Variants in CEP112 observed in about 807,000 individuals in gnomAD.
CEP112 encodes the protein centrosomal protein 112.
In CEP112, 127 loss-of-function variants were observed where a neutral mutation model predicts 153.0. The observed-to-expected ratio is 0.83, with a 90% CI of 0.72 to 0.96. CEP112 has a LOEUF of 0.96. Ranked by LOEUF, CEP112 falls within the 40% of genes least tolerant of loss-of-function variation. The probability of loss-of-function intolerance (pLI) is 0.00; values close to 1 mark genes in which losing one functional copy is unlikely to be tolerated. For synonymous variants in CEP112, 358 were observed against 374.4 expected (o/e 0.96, Z 0.51); for missense variants, 1,089 against 1,101.2 (o/e 0.99, Z 0.16).
intron 16 of CEP112, among the ~76,000 whole-genome samples, chr17:66,020,587 T>C (rs778734856): frequency 1.3e-5 from 2 of 152,206 alleles, no homozygotes; most frequent in African/African-American, 2.4e-5. Context: ...TTTTGTGATA[T>C]AAACCATATG....
At chr17:65,791,515 CA>C (rs1281674362) in intron 21 of CEP112, among the ~76,000 whole-genome samples, 1 of 152,306 alleles carries the variant, frequency 6.6e-6, no homozygotes, top group East Asian at 1.9e-4. Context: ...TGATACAAAA[CA>C]CATGATTTCT....
At chr17:65,790,549 T>G (rs2054530710) in intron 21 of CEP112, among the ~76,000 whole-genome samples, 1 of 152,154 alleles carries the variant, frequency 6.6e-6, no homozygotes, top group Non-Finnish European at 1.5e-5. Flanking sequence ...CCAGTCTAAG[T>G]GCTCTAAATC....
intron 20 of CEP112, among the ~76,000 whole-genome samples, chr17:65,869,034 G>C (rs1206771866): frequency 6.6e-6 from 1 of 152,196 alleles, no homozygotes; most frequent in Non-Finnish European, 1.5e-5. Flanking sequence ...AAGGGATGCA[G>C]GTAAAGTCAC....
At chr17:65,781,523 A>C (rs1323778128) in intron 21 of CEP112, among the ~76,000 whole-genome samples, 12 of 149,546 alleles carry the variant, frequency 8.0e-5, no homozygotes, top group South Asian at 2.1e-4. Context: ...ATATGGAACA[A>C]AAAAAAAAGC....
chr17:66,079,913 A>T (rs558157774), intron 8 of CEP112, among the ~76,000 whole-genome samples: 50 of 152,346 alleles, frequency 3.3e-4, no homozygotes, highest in Non-Finnish European at 2.1e-4. Context: ...TGGGGAAAGG[A>T]TTCCCTATTT....
At chr17:65,940,921 T>G (rs568523759) in intron 18 of CEP112, among the ~76,000 whole-genome samples, 1 of 152,200 alleles carries the variant, frequency 6.6e-6, no homozygotes, top group Non-Finnish European at 1.5e-5. Flanking sequence ...GTTATGGCTA[T>G]GTTAATTAGC....
chr17:66,080,704 C>T (rs377732406), intron 8 of CEP112, among the ~76,000 whole-genome samples: 6 of 152,168 alleles, frequency 3.9e-5, no homozygotes, highest in Non-Finnish European at 7.3e-5. Flanking sequence ...TATAAAGACA[C>T]ACGAACATGT....
chr17:65,717,198 C>T (rs2049576532), intron 23 of CEP112, among the ~76,000 whole-genome samples: 1 of 152,220 alleles, frequency 6.6e-6, no homozygotes, highest in African/African-American at 2.4e-5. Flanking sequence ...CATGTAACCA[C>T]ATCACACTTA....
At chr17:66,028,209 C>T in intron 15 of CEP112, 104 bp downstream of exon 15, 2 of 660,998 alleles carry the variant, frequency 3.0e-6, no homozygotes, top group South Asian at 2.1e-5. Context: ...AAAAGATGAC[C>T]TGCATTTCTG....
intron 2 of CEP112, among the ~76,000 whole-genome samples, chr17:66,180,992 T>C (rs1233077417): frequency 1.3e-5 from 2 of 152,168 alleles, no homozygotes; most frequent in African/African-American, 4.8e-5. Context: ...GGGAACACTT[T>C]GAACAAGAAG....
At chr17:65,978,674 A>C (rs1193232877) in intron 17 of CEP112, among the ~76,000 whole-genome samples, 1 of 152,254 alleles carries the variant, frequency 6.6e-6, no homozygotes, top group Non-Finnish European at 1.5e-5. Context: ...CTTCATTGCT[A>C]ATGCAAATTT....
intron 23 of CEP112, among the ~76,000 whole-genome samples, chr17:65,706,655 A>G (rs1455643868): frequency 6.6e-6 from 1 of 152,208 alleles, no homozygotes; most frequent in Non-Finnish European, 1.5e-5. Context: ...CTATATATTC[A>G]GATCTAGATT....
chr17:65,660,481 TC>T (rs1461234386), intron 24 of CEP112, among the ~76,000 whole-genome samples: 1 of 84,304 alleles, frequency 1.2e-5, no homozygotes, highest in African/African-American at 8.3e-5. Context: ...CTTCCTTCCT[TC>T]CTTCCTTCCT....
intron 4 of CEP112, among the ~76,000 whole-genome samples, chr17:66,141,513 G>A (rs776455933): frequency 9.9e-5 from 15 of 152,064 alleles, no homozygotes; most frequent in South Asian, 2.1e-4. Context: ...CTTCTAGAAC[G>A]TTTTCATCTT....
chr17:65,898,897 G>A (rs2059751441), intron 20 of CEP112, among the ~76,000 whole-genome samples: 1 of 152,042 alleles, frequency 6.6e-6, no homozygotes, highest in Non-Finnish European at 1.5e-5. Flanking sequence ...CACTCACTGT[G>A]GCAACAAACG....
At chr17:66,006,117 T>C (rs149243414) in intron 16 of CEP112, among the ~76,000 whole-genome samples, 1 of 152,250 alleles carries the variant, frequency 6.6e-6, no homozygotes, top group Non-Finnish European at 1.5e-5. Flanking sequence ...AAACAATGTG[T>C]CTATATTCCC....
intron 19 of CEP112, among the ~76,000 whole-genome samples, chr17:65,909,292 G>A (rs1274490960): frequency 6.6e-6 from 1 of 152,162 alleles, no homozygotes; most frequent in African/African-American, 2.4e-5. Flanking sequence ...GTAAAAACGG[G>A]TTATAGCTAG....
intron 17 of CEP112, among the ~76,000 whole-genome samples, chr17:65,983,647 C>G (rs570646918): frequency 6.6e-6 from 1 of 152,302 alleles, no homozygotes; most frequent in East Asian, 1.9e-4. Flanking sequence ...TACTCCCCCT[C>G]CACCTTCTAA....
intron 24 of CEP112, among the ~76,000 whole-genome samples, chr17:65,643,766 G>A (rs1319442300): frequency 6.6e-6 from 1 of 152,198 alleles, no homozygotes; most frequent in Non-Finnish European, 1.5e-5. Flanking sequence ...TCAAGTGATT[G>A]TCTAAAACCT....
Sources: allele counts gnomAD v4.1 joint callset (sites outside exome capture counted in the v4.1 genomes callset), GRCh38; gene constraint gnomAD v4.1.1; transcripts MANE v1.5; gene names NCBI Gene and HGNC (gene_info 2026-07-23, HGNC 2026-07-21).